SFMBT2: variants seen among roughly 807,000 people sequenced by gnomAD.
SFMBT2 encodes the protein scm-like with four MBT domains protein 2.
A neutral mutation model predicts 110.1 loss-of-function variants in SFMBT2; 38 were observed. The observed-to-expected ratio is 0.35, with a 90% CI of 0.27 to 0.45. The LOEUF is 0.45. SFMBT2 is among the 20% of genes least tolerant of loss of function. The pLI, the probability that SFMBT2 is intolerant of heterozygous loss-of-function variation, is 1.00. For synonymous variants in SFMBT2, 425 were observed against 425.4 expected (o/e 1.00, Z 0.01); for missense variants, 1,011 against 1,094.9 (o/e 0.92, Z 1.08).
chr10:7,204,008 C>T lies in SFMBT2; in HGVS notation c.1445-1486G>A, dbSNP rs191549121. The T allele has an allele frequency of 6.5e-4, 156 of 241,218 alleles. 1 individual carries two copies. Among genetic ancestry groups the T allele is most frequent in the African/African-American group, 3.0e-3 (133 of 43,630 alleles). The allele number at this position is 241,218 out of a possible 1,614,324, so 14.9% of individuals were successfully genotyped here. On this transcript the variant is annotated intron_variant, in intron 12 of 20. Coordinates refer to ENST00000397167, the MANE Select transcript of SFMBT2 (RefSeq NM_001387889.1). ...CTGAGATTATAGACGTGAGCCACCA[C>T]GCCTGGCCAGAATCTGCATCATTTT...
intron 10 of SFMBT2, among the ~76,000 whole-genome samples, chr10:7,221,947 T>A (rs971441373): frequency 6.6e-6 from 1 of 152,202 alleles, no homozygotes. Context: ...AAGCACTCAG[T>A]TCCTGGCAAC....
intron 9 of SFMBT2, among the ~76,000 whole-genome samples, chr10:7,228,963 C>T (rs931283141): frequency 1.3e-5 from 2 of 151,880 alleles, no homozygotes; most frequent in East Asian, 1.9e-4. Flanking sequence ...GGAGTCTCAT[C>T]GGCACAAAAT....
At chr10:7,169,420 C>T (rs1837803136) in intron 20 of SFMBT2, among the ~76,000 whole-genome samples, 1 of 152,096 alleles carries the variant, frequency 6.6e-6, no homozygotes, top group Non-Finnish European at 1.5e-5. Flanking sequence ...TTTGCTTTTT[C>T]CAGTTCATTG....
intron 4 of SFMBT2, chr10:7,320,458 T>C (rs946517308): frequency 5.3e-6 from 2 of 376,220 alleles, no homozygotes; most frequent in Non-Finnish European, 7.3e-6. Context: ...TTGGAAAAAA[T>C]GAGCTTATCC....
At chr10:7,201,947 T>C (rs1446692405) in intron 13 of SFMBT2, among the ~76,000 whole-genome samples, 6 of 152,186 alleles carry the variant, frequency 3.9e-5, no homozygotes, top group Admixed American at 3.9e-4. Context: ...GGAATCTAAT[T>C]TAATCTTTGT....
chr10:7,195,668 C>T (rs964360466), intron 15 of SFMBT2, among the ~76,000 whole-genome samples: 2 of 152,172 alleles, frequency 1.3e-5, no homozygotes, highest in Non-Finnish European at 2.9e-5. Context: ...ACCCGCACCC[C>T]AGATGCCCCA....
At chr10:7,279,121 G>A (rs148103062) in intron 6 of SFMBT2, among the ~76,000 whole-genome samples, 48 of 151,196 alleles carry the variant, frequency 3.2e-4, no homozygotes, top group African/African-American at 1.1e-3. Flanking sequence ...AAAAACTTAA[G>A]GCCAGGAGGA....
intron 4 of SFMBT2, among the ~76,000 whole-genome samples, chr10:7,309,803 G>A (rs1348553871): frequency 6.6e-6 from 1 of 152,176 alleles, no homozygotes; most frequent in Non-Finnish European, 1.5e-5. Flanking sequence ...GAAAGGAGGA[G>A]GAGGAGGTGG....
At position 7,243,639 on chromosome 10, in the gene SFMBT2, T is replaced by C. The variant is rs150767154; in HGVS notation, c.1039A>G (p.Met347Val). 274 of 872,938 alleles carry C rather than the reference T, an allele frequency of 3.1e-4. 1 individual carries two copies. The African/African-American group carries it at 4.2e-3, about 13-fold the overall frequency. The allele number at this position is 872,938 out of a possible 1,614,324, so 54.1% of individuals were successfully genotyped here. Reference protein sequence around the residue: ...DLRPEPSKLSMLCHADSLGIL... With the variant: ...DLRPEPSKLSVLCHADSLGIL... ...CCCAAAGAATCTGCATGGCACAGCA[T>C]TGACAGTTTACTTGGTTCAGGTCTT... Residue 347 changes from methionine (M) to valine (V), a missense_variant, in exon 9 of 21, where the codon ATG becomes GTG. By Grantham distance (21) the Met-to-Val change is conservative. Coordinates refer to ENST00000397167, the MANE Select transcript of SFMBT2 (RefSeq NM_001387889.1).
intron 4 of SFMBT2, among the ~76,000 whole-genome samples, chr10:7,308,103 C>G (rs963537667): frequency 6.6e-6 from 1 of 152,272 alleles, no homozygotes; most frequent in Middle Eastern, 3.4e-3. Flanking sequence ...GCCTATAGTG[C>G]CTGAGACTCA....
At chr10:7,208,920 C>T (rs61835084) in intron 11 of SFMBT2, among the ~76,000 whole-genome samples, 35,396 of 151,928 alleles carry the variant, frequency 0.23, 4,362 homozygotes, top group South Asian at 0.39. Context: ...AGGTCAGATG[C>T]GTCGGCTACC....
Position 7,277,126 on chromosome 10 carries a change from A to T in SFMBT2, c.773-137T>A, listed in dbSNP as rs4611096. The T allele has an allele frequency of 7.0e-6, 4 of 574,416 alleles. No homozygotes were observed. The Admixed American group carries it at 1.2e-4, about 18-fold the overall frequency. The allele number at this position is 574,416 out of a possible 1,614,324, so 35.6% of individuals were successfully genotyped here. Reference sequence around the variant, plus strand: ...CCGTGAGTGTTCACACCCCATACCCACCATGAGCAGCCACCTGCTGAAAGG... The same window carrying T: ...CCGTGAGTGTTCACACCCCATACCCTCCATGAGCAGCCACCTGCTGAAAGG... On this transcript the variant is annotated intron_variant, in intron 6 of 20. Transcript: ENST00000397167.
rs1838917609 is a variant in SFMBT2 at position 7,200,472 on chromosome 10, T to C, written c.1500A>G (p.Thr500=). ...VVQPEKQLPP[T]VPVKKIPHDL... ...CATGAGGTATTTTCTTAACAGGCAC[T>C]GTGGGCGGCAATCTGTCAACAGAGA... Residue 500 remains threonine (T), a synonymous_variant, in exon 14 of 21, where the codon ACA becomes ACG. Coordinates refer to ENST00000397167, the MANE Select transcript of SFMBT2 (RefSeq NM_001387889.1). 2 of 1,600,608 alleles carry C rather than the reference T, an allele frequency of 1.2e-6. No individual in the cohort carries two copies. Among genetic ancestry groups the C allele is most frequent in the Admixed American group, 1.7e-5 (1 of 58,058 alleles).
At position 7,329,513 on chromosome 10, in the gene SFMBT2, G is replaced by GTGC. The variant is rs1051330893; in HGVS notation, c.436+38133_436+38135dup. ...AGCATGAGCTGGAGGGAGAGAGGAGGTGCTGCTGCTGCTGCAGGTACCTCT... is the reference window on the plus strand; with the variant it reads ...AGCATGAGCTGGAGGGAGAGAGGAGGTGCTGCTGCTGCTGCTGCAGGTACCTCT... On this transcript the variant is annotated intron_variant, in intron 4 of 20. Coordinates refer to ENST00000397167, the MANE Select transcript of SFMBT2 (RefSeq NM_001387889.1). The GTGC allele has an allele frequency of 5.8e-5, 57 of 985,216 alleles. No homozygotes were observed. The African/African-American group carries it at 8.6e-4, about 15-fold the overall frequency. The allele number at this position is 985,216 out of a possible 1,614,324, so 61.0% of individuals were successfully genotyped here.
chr10:7,323,469 C>CAA (rs1564440106), intron 4 of SFMBT2, among the ~76,000 whole-genome samples: 133 of 96,722 alleles, frequency 1.4e-3, no homozygotes, highest in Middle Eastern at 6.0e-3. Flanking sequence ...AAAAAAAAAA[C>CAA]CAAAAAAAAA....
At chr10:7,281,755 T>C (rs1035614044) in intron 6 of SFMBT2, among the ~76,000 whole-genome samples, 5 of 152,236 alleles carry the variant, frequency 3.3e-5, no homozygotes, top group African/African-American at 1.2e-4. Context: ...TGTCACTTTT[T>C]AGTTTCTTCT....
intron 4 of SFMBT2, among the ~76,000 whole-genome samples, chr10:7,365,869 T>C (rs1326478288): frequency 1.3e-5 from 2 of 152,140 alleles, no homozygotes; most frequent in Admixed American, 6.5e-5. Flanking sequence ...ATAAAAGAAA[T>C]GTTCTGGAAT....
At chr10:7,205,087 T>G (rs1198473061) in intron 12 of SFMBT2, 5 of 317,960 alleles carry the variant, frequency 1.6e-5, no homozygotes, top group Non-Finnish European at 2.3e-5. Flanking sequence ...ATTTTATTTA[T>G]TTTTTGAGAC....
At chr10:7,166,801 G>A (rs1837709427) in intron 20 of SFMBT2, among the ~76,000 whole-genome samples, 1 of 152,174 alleles carries the variant, frequency 6.6e-6, no homozygotes, top group Non-Finnish European at 1.5e-5. Flanking sequence ...CTGGAACATA[G>A]AATTCCAGGA....
Sources: gnomAD v4.1 joint callset for allele counts (sites outside exome capture counted in the v4.1 genomes callset) on GRCh38, gnomAD v4.1.1 for gene constraint, MANE v1.5 for transcripts, NCBI Gene and HGNC (gene_info 2026-07-23, HGNC 2026-07-21) for gene names.